Variants in BCORL1 observed in about 807,000 individuals in gnomAD.
The protein encoded by BCORL1 is BCL6 corepressor like 1, also known as BCL-6 corepressor-like protein 1.
Under a neutral mutation model 87.6 loss-of-function variants are expected in BCORL1, and 7 were observed. That is an observed-to-expected ratio of 0.08 (90% confidence interval 0.05 to 0.15). The LOEUF (loss-of-function observed/expected upper bound fraction) is 0.15. Among genes scored for constraint, BCORL1 ranks in the 10% least tolerant of loss-of-function variants. The pLI is 1.00. For synonymous variants in BCORL1, 591 were observed against 634.4 expected (o/e 0.93, Z 1.03); for missense variants, 1,215 against 1,499.7 (o/e 0.81, Z 3.13).
chrX:130,015,000 G>A lies in BCORL1; in HGVS notation c.2228G>A (p.Arg743His), dbSNP rs201232537. ...AACCTGGGCCTCAACCGTGACCCCC[G>A]CCATCTCCCCAAGCAGGAGCCCATC... ...DPNLGLNRDP[R>H]HLPKQEPISI... The change falls in exon 4 of 14, where the codon CGC becomes CAC. Residue 743 changes from arginine to histidine, a missense_variant. Arg to His is a conservative substitution (Grantham distance 29). Around this residue, in one of 5 missense-constraint regions of BCORL1, gnomAD observed 861 missense variants for 1,010.0 expected, o/e 0.85. Coordinates refer to ENST00000540052, the MANE Select transcript of BCORL1 (RefSeq NM_001379451.1). The A allele has an allele frequency of 3.6e-5, 43 of 1,209,758 alleles. 1 individual carries two copies. In the Middle Eastern group the frequency reaches 9.2e-4, roughly 26 times the overall value.
At chrX:130,019,399 CT>C (rs1203426955) in intron 4 of BCORL1, among the ~76,000 whole-genome samples, 1 of 112,654 alleles carries the variant, frequency 8.9e-6, no homozygotes, top group Non-Finnish European at 1.9e-5. Context: ...TTTATTCCCC[CT>C]GACTTAAAAT....
intron 2 of BCORL1, among the ~76,000 whole-genome samples, chrX:130,008,563 T>A (rs1928698846): frequency 8.9e-6 from 1 of 111,869 alleles, no homozygotes; most frequent in East Asian, 2.8e-4. Context: ...ACGCCCGGCC[T>A]AAGATGACCT....
rs897910552 is a variant in BCORL1 at position 130,051,861 on chromosome X, G to A, written c.4920G>A (p.Glu1640=). The A allele has an allele frequency of 8.4e-7, 1 of 1,191,568 alleles. No individual in the cohort carries two copies. The highest frequency in any genetic ancestry group is 1.8e-5 in the African/African-American group (1 of 56,753). The change falls in exon 13 of 14, where the codon GAG becomes GAA. Residue 1640 remains glutamate (E), a splice_region_variant and synonymous_variant. Transcript: ENST00000540052. The part of the protein sequence containing the change: ...SWDFYSSSVL[E]EKDGFACDLL... ...ATCCCCTATATGCTCCCCTTACAGA[G>A]GAAAAAGACGGGTTTGCCTGTGACC...
At position 130,055,908 on chromosome X, in the gene BCORL1, G is replaced by T; in HGVS notation, c.5130G>T (p.Ser1710=). 2.5e-6 allele frequency: 3 copies of T among 1,211,812 alleles called. No homozygotes were observed. Among genetic ancestry groups the T allele is most frequent in the Non-Finnish European group, 3.4e-6 (3 of 895,443 alleles). ...SDVLKRLKLS[S]RIFQARFPHF... ...TCTTGAAGAGGCTGAAGCTTTCCTCGAGGATCTTTCAGGCCCGGTTCCCGC... is the reference window on the plus strand; with the variant it reads ...TCTTGAAGAGGCTGAAGCTTTCCTCTAGGATCTTTCAGGCCCGGTTCCCGC... Residue 1710 remains serine, a synonymous_variant, in exon 14 of 14, where the codon TCG becomes TCT. Coordinates refer to ENST00000540052, the MANE Select transcript of BCORL1 (RefSeq NM_001379451.1).
At chrX:130,051,239 C>T (rs746931435) in intron 12 of BCORL1, among the ~76,000 whole-genome samples, 3 of 112,778 alleles carry the variant, frequency 2.7e-5, no homozygotes, top group Non-Finnish European at 5.6e-5. Context: ...AGCCCTTAGC[C>T]TTCTGGCCGC....
At position 130,031,371 on chromosome X, in the gene BCORL1, C is replaced by T. The variant is rs1162656220; in HGVS notation, c.4305+2510C>T. On this transcript the variant is annotated intron_variant, in intron 8 of 13. Coordinates refer to ENST00000540052, the MANE Select transcript of BCORL1 (RefSeq NM_001379451.1). ...GATTGACCAGAGGAAACAAATGCCCCGAGCCCTCATCTTCTGTTCTCTACT... is the reference window on the plus strand; with the variant it reads ...GATTGACCAGAGGAAACAAATGCCCTGAGCCCTCATCTTCTGTTCTCTACT... Among the ~76,000 whole-genome samples, 3 of 112,458 alleles carry T rather than the reference C, an allele frequency of 2.7e-5. No individual in the cohort carries two copies. In the East Asian group the frequency reaches 8.3e-4, roughly 31 times the overall value.
rs1257295026 is a variant in BCORL1, at chrX:130,056,786, T to G, written c.*650T>G. On this transcript the variant is annotated 3_prime_UTR_variant, in exon 14 of 14. Coordinates refer to ENST00000540052, the MANE Select transcript of BCORL1 (RefSeq NM_001379451.1). ...GGAATGGGGTGGGGGAACATGGACT[T>G]GTGACTAACGAAGCTGGTTGCTGCT... 1 of 110,779 alleles carries G rather than the reference T, an allele frequency of 9.0e-6. No individual in the cohort carries two copies. The highest frequency in any genetic ancestry group is 3.3e-5 in the African/African-American group (1 of 30,231). The allele number at this position is 110,779 out of a possible 1,213,427, so 9.1% of individuals were successfully genotyped here. A position where few individuals can be genotyped will look rare whatever the true frequency, so the allele number is the denominator to read the frequency against.
chrX:130,000,952 C>T (rs1927999460), intron 1 of BCORL1, among the ~76,000 whole-genome samples: 1 of 108,622 alleles, frequency 9.2e-6, no homozygotes, highest in Admixed American at 1.0e-4. Context: ...GTTGATTTTG[C>T]TTCTTGTGAT....
Position 130,056,918 on chromosome X carries a change from A to C in BCORL1, c.*782A>C, listed in dbSNP as rs2124600095. The C allele has an allele frequency of 9.5e-6, 1 of 104,769 alleles. No individual in the cohort carries two copies. Among genetic ancestry groups the C allele is most frequent in the South Asian group, 4.4e-4 (1 of 2,272 alleles). The allele number at this position is 104,769 out of a possible 1,213,427, so 8.6% of individuals were successfully genotyped here. A position where few individuals can be genotyped will look rare whatever the true frequency, so the allele number is the denominator to read the frequency against. On this transcript the variant is annotated 3_prime_UTR_variant, in exon 14 of 14. Transcript: ENST00000540052. ...CCGCTATCTTGAGATTAGTGTTGACAGGGAGGGGAGGATTGTGAGGTGAGG... is the reference window on the plus strand; with the variant it reads ...CCGCTATCTTGAGATTAGTGTTGACCGGGAGGGGAGGATTGTGAGGTGAGG...
chrX:129,994,656 T>C (rs1645381268), intron 1 of BCORL1, among the ~76,000 whole-genome samples: 1 of 111,972 alleles, frequency 8.9e-6, no homozygotes, highest in African/African-American at 3.2e-5. Flanking sequence ...AAAGAGTCTA[T>C]GAAGGGGTCC....
chrX:130,012,569 C>T lies in BCORL1; in HGVS notation c.87-9C>T. The T allele has an allele frequency of 8.3e-7, 1 of 1,202,487 alleles. No individual in the cohort carries two copies. The highest frequency in any genetic ancestry group is 1.1e-6 in the Non-Finnish European group (1 of 887,683). On this transcript the variant is annotated splice_polypyrimidine_tract_variant and intron_variant, in intron 2 of 13. Transcript: ENST00000540052. Reference sequence around the variant, plus strand: ...CATGTCCCTTCTCTGGTTGTATCTTCCATGCTAGAAGAGCACCTCTTTCTG... The same window carrying T: ...CATGTCCCTTCTCTGGTTGTATCTTTCATGCTAGAAGAGCACCTCTTTCTG...
At chrX:129,992,464 C>T (rs1168465062) in intron 1 of BCORL1, among the ~76,000 whole-genome samples, 1 of 111,574 alleles carries the variant, frequency 9.0e-6, no homozygotes. Flanking sequence ...ATAACAACAA[C>T]AAACTCTTTG....
intron 13 of BCORL1, among the ~76,000 whole-genome samples, chrX:130,054,579 G>A (rs1242050643): frequency 9.0e-6 from 1 of 110,624 alleles, no homozygotes; most frequent in African/African-American, 3.3e-5. Context: ...GAGAGACTGG[G>A]TGGACATTGG....
At chrX:130,037,323 A>C in intron 9 of BCORL1, 44 bp from the exon 10 acceptor site, 3 of 1,182,948 alleles carry the variant, frequency 2.5e-6, no homozygotes, top group Non-Finnish European at 3.4e-6. Flanking sequence ...TAAGTTCAAG[A>C]ATTAGACCTC....
In BCORL1 at chrX:130,050,792, T is replaced by C. The variant is rs762188352; in HGVS notation, c.4916T>C (p.Leu1639Ser). Reference protein sequence around the residue: ...VSWDFYSSSVLEEKDGFACDL... With the variant: ...VSWDFYSSSVSEEKDGFACDL... ...TGGGATTTTTACAGCAGTTCTGTGTTGGGTAAGTTTTAAGTGAGATTCTTC... is the reference window on the plus strand; with the variant it reads ...TGGGATTTTTACAGCAGTTCTGTGTCGGGTAAGTTTTAAGTGAGATTCTTC... Residue 1639 changes from leucine to serine, a missense_variant and splice_region_variant, in exon 12 of 14, where the codon TTG (leucine) becomes TCG (serine). Transcript: ENST00000540052. 8.3e-7 allele frequency: 1 copy of C among 1,204,511 alleles called. No homozygotes were observed. The highest frequency in any genetic ancestry group is 1.8e-5 in the South Asian group (1 of 56,577).
At chrX:129,998,924 G>C (rs1482227066) in intron 1 of BCORL1, among the ~76,000 whole-genome samples, 1 of 111,782 alleles carries the variant, frequency 8.9e-6, no homozygotes, top group Non-Finnish European at 1.9e-5. Context: ...GAGAGGCAAA[G>C]ATTTAAGTGG....
intron 12 of BCORL1, 134 bp downstream of exon 12, chrX:130,050,928 T>G (rs1008950461): frequency 4.4e-5 from 23 of 524,238 alleles, no homozygotes; most frequent in Middle Eastern, 7.4e-4. Flanking sequence ...CATCCTTCCC[T>G]GCAGACTCAG....
intron 11 of BCORL1, among the ~76,000 whole-genome samples, chrX:130,046,960 T>C (rs773298760): frequency 1.9e-5 from 2 of 105,987 alleles, no homozygotes; most frequent in South Asian, 8.9e-4. Flanking sequence ...TCTCTATGGA[T>C]TTCCCTATTC....
At chrX:130,039,113 C>T (rs1412462282) in intron 10 of BCORL1, 24 bp from the exon 11 acceptor site, 1 of 1,209,380 alleles carries the variant, frequency 8.3e-7, no homozygotes. Flanking sequence ...GCCCTGTTAT[C>T]CTCACCCTGT....
Sources: allele counts gnomAD v4.1 joint callset (sites outside exome capture counted in the v4.1 genomes callset), GRCh38; gene constraint gnomAD v4.1.1; regional missense constraint gnomAD v4.1.1; transcripts MANE v1.5; gene names NCBI Gene and HGNC (gene_info 2026-07-23, HGNC 2026-07-21).